The following CNBD1 variants were observed in gnomAD, a reference collection of about 807,000 sequenced individuals.
CNBD1 encodes cyclic nucleotide binding domain containing 1.
CNBD1 carries 71 observed loss-of-function variants against 54.4 expected under a neutral mutation model. The ratio of observed to expected loss-of-function variants is 1.30; its 90% CI spans 1.08 to 1.59. The LOEUF is 1.59. CNBD1 is among the 40% of genes most tolerant of loss of function. The pLI is 0.00. For missense variants in CNBD1, 659 were observed against 518.0 expected (o/e 1.27, Z -2.64); for synonymous variants, 182 against 170.7 (o/e 1.07, Z -0.51).
At chr8:87,388,231 G>A (rs1348483838) in intron 2 of CNBD1, among the ~76,000 whole-genome samples, 1 of 152,096 alleles carries the variant, frequency 6.6e-6, no homozygotes, top group African/African-American at 2.4e-5. Context: ...AAAGGTAGCA[G>A]AAGGCAAGAA....
At chr8:87,417,848 AAAAT>A (rs1443882615) in intron 2 of CNBD1, among the ~76,000 whole-genome samples, 1 of 151,924 alleles carries the variant, frequency 6.6e-6, no homozygotes, top group Non-Finnish European at 1.5e-5. Context: ...AATATATTAA[AAAAT>A]AAATGTTTAA....
rs571511121 is a variant in CNBD1 at position 87,382,715 on chromosome 8, A to T, written c.*88A>T. On this transcript the variant is annotated 3_prime_UTR_variant, in exon 11 of 11. Transcript: ENST00000518476. ...CATTCTGGAATACTATCAAACTACC[A>T]GCAATGAATTTGGTCTATTGTGACT... The T allele has an allele frequency of 9.5e-7, 1 of 1,049,092 alleles. No homozygotes were observed. Among genetic ancestry groups the T allele is most frequent in the East Asian group, 2.6e-5 (1 of 37,990 alleles). 65.0% of individuals were successfully genotyped at this position (1,049,092 alleles called of 1,614,324 possible). A position where few individuals can be genotyped will look rare whatever the true frequency, so the allele number is the denominator to read the frequency against.
At chr8:87,298,171 T>TA (rs1808916448) in intron 8 of CNBD1, among the ~76,000 whole-genome samples, 1 of 151,932 alleles carries the variant, frequency 6.6e-6, no homozygotes, top group Non-Finnish European at 1.5e-5. Flanking sequence ...CATTGCTTTT[T>TA]TTTATTATAA....
At chr8:87,137,096 A>ATTC (rs1812264804) in intron 4 of CNBD1, among the ~76,000 whole-genome samples, 1 of 91,254 alleles carries the variant, frequency 1.1e-5, no homozygotes. Context: ...TATTTATATT[A>ATTC]TATGTAAATT....
intron 4 of CNBD1, among the ~76,000 whole-genome samples, chr8:86,945,562 G>GCA (rs1807446907): frequency 6.6e-6 from 1 of 152,134 alleles, no homozygotes; most frequent in East Asian, 1.9e-4. Context: ...AAAACACTTT[G>GCA]TGGGGCTATT....
chr8:86,906,342 T>C (rs1354949996), intron 3 of CNBD1, among the ~76,000 whole-genome samples: 1 of 152,194 alleles, frequency 6.6e-6, no homozygotes, highest in Non-Finnish European at 1.5e-5. Context: ...ATTAGTTGAC[T>C]GGGAAAAATC....
chr8:87,085,904 C>A (rs1298887913), intron 4 of CNBD1, among the ~76,000 whole-genome samples: 1 of 152,202 alleles, frequency 6.6e-6, no homozygotes, highest in East Asian at 1.9e-4. Context: ...TTATTTGTCT[C>A]CTTACCTTAG....
At chr8:86,874,655 G>T (rs1586103338) in intron 1 of CNBD1, among the ~76,000 whole-genome samples, 1 of 152,028 alleles carries the variant, frequency 6.6e-6, no homozygotes, top group Middle Eastern at 3.4e-3. Context: ...GAACTCTGGG[G>T]TTTCTATTTT....
At chr8:86,925,361 C>G (rs10955112) in intron 3 of CNBD1, among the ~76,000 whole-genome samples, 143,997 of 152,270 alleles carry the variant, frequency 0.95, 68,189 homozygotes, top group East Asian at 1. Context: ...GAGTGAGGCT[C>G]ACTTCAGTTT....
intron 4 of CNBD1, among the ~76,000 whole-genome samples, chr8:87,129,888 G>A (rs1318433576): frequency 6.6e-6 from 1 of 152,178 alleles, no homozygotes; most frequent in Non-Finnish European, 1.5e-5. Flanking sequence ...AGAAAAGAAA[G>A]AGGTTTAATT....
intron 9 of CNBD1, among the ~76,000 whole-genome samples, chr8:87,352,478 CAAAA>C (rs386413278): frequency 9.3e-6 from 1 of 107,494 alleles, no homozygotes; most frequent in African/African-American, 3.8e-5. Flanking sequence ...GACTCTGTCT[CAAAA>C]AAAAAAAAAA....
At chr8:87,377,735 T>G in intron 10 of CNBD1, among the ~76,000 whole-genome samples, 2 of 140,634 alleles carry the variant, frequency 1.4e-5, no homozygotes, top group Admixed American at 7.1e-5. Context: ...CACACTGACT[T>G]CCACAATGGT....
intron 8 of CNBD1, among the ~76,000 whole-genome samples, chr8:87,300,139 TATAA>T (rs1445139824): frequency 6.6e-6 from 1 of 152,186 alleles, no homozygotes; most frequent in African/African-American, 2.4e-5. Context: ...GTTTAAAAAA[TATAA>T]ATATGATATC....
At chr8:87,083,218 G>A (rs937048800) in intron 4 of CNBD1, among the ~76,000 whole-genome samples, 1 of 152,172 alleles carries the variant, frequency 6.6e-6, no homozygotes, top group Non-Finnish European at 1.5e-5. Flanking sequence ...ATTTTAAAAT[G>A]GCGCTACTAA....
At chr8:87,098,533 G>A (rs946345053) in intron 4 of CNBD1, among the ~76,000 whole-genome samples, 11 of 151,946 alleles carry the variant, frequency 7.2e-5, no homozygotes, top group Admixed American at 2.0e-4. Context: ...GTGAGAGAGA[G>A]TGTATTACCA....
chr8:87,282,460 T>G (rs1808618090), intron 6 of CNBD1, among the ~76,000 whole-genome samples: 1 of 151,748 alleles, frequency 6.6e-6, no homozygotes, highest in Non-Finnish European at 1.5e-5. Flanking sequence ...ATCTTGTTTC[T>G]TTACTCTTAC....
intron 4 of CNBD1, among the ~76,000 whole-genome samples, chr8:86,990,888 A>G (rs1313660657): frequency 6.6e-6 from 1 of 151,920 alleles, no homozygotes; most frequent in Non-Finnish European, 1.5e-5. Context: ...TATAGTTTTC[A>G]TTTTAGAGGT....
chr8:87,057,229 C>T lies in CNBD1; in HGVS notation c.431+117475C>T, dbSNP rs536377707. On this transcript the variant is annotated intron_variant, in intron 4 of 10. Coordinates refer to ENST00000518476, the MANE Select transcript of CNBD1 (RefSeq NM_173538.3). Reference sequence around the variant, plus strand: ...GTTTAATTGACTCACTTCCACAGGGCGGGGGAGGCCTCAGGAAACTTACAG... The same window carrying T: ...GTTTAATTGACTCACTTCCACAGGGTGGGGGAGGCCTCAGGAAACTTACAG... Among the ~76,000 whole-genome samples the T allele has an allele frequency of 7.9e-5, 12 of 152,070 alleles. No homozygotes were observed. In the South Asian group the frequency reaches 1.5e-3, roughly 18 times the overall value.
intron 4 of CNBD1, among the ~76,000 whole-genome samples, chr8:87,038,544 A>G (rs921912643): frequency 1.3e-5 from 2 of 152,186 alleles, no homozygotes; most frequent in South Asian, 2.1e-4. Flanking sequence ...CAAGAGGCCA[A>G]TCTTAGGTTC....
Sources: allele counts gnomAD v4.1 joint callset (sites outside exome capture counted in the v4.1 genomes callset), GRCh38; gene constraint gnomAD v4.1.1; transcripts MANE v1.5; gene names NCBI Gene and HGNC (gene_info 2026-07-23, HGNC 2026-07-21).